The following KCNN2 variants were observed in gnomAD, a reference collection of about 807,000 sequenced individuals.
KCNN2 encodes the protein potassium calcium-activated channel subfamily N member 2, also known as small conductance calcium-activated potassium channel protein 2.
In KCNN2, 24 loss-of-function variants were observed where a neutral mutation model predicts 55.5. That is an observed-to-expected ratio of 0.43 (90% confidence interval 0.31 to 0.61). The LOEUF is 0.61. Ranked by LOEUF, KCNN2 falls within the 20% of genes least tolerant of loss-of-function variation. The pLI is 0.08. For synonymous variants in KCNN2, 431 were observed against 336.1 expected, an observed-to-expected ratio of 1.28 and a Z score of -3.09; for missense variants, 754 against 853.6, an observed-to-expected ratio of 0.88 and a Z score of 1.45.
At chr5:114,061,100 A>G (rs1750318926) in intron 1 of KCNN2, among the ~76,000 whole-genome samples, 1 of 152,240 alleles carries the variant, frequency 6.6e-6, no homozygotes, top group Admixed American at 6.5e-5. Context: ...TATTCATTCA[A>G]CATTCCATAA....
At chr5:114,267,689 A>G (rs1438450505) in intron 2 of KCNN2, among the ~76,000 whole-genome samples, 1 of 152,184 alleles carries the variant, frequency 6.6e-6, no homozygotes, top group South Asian at 2.1e-4. Context: ...AATAAAAAGT[A>G]TTTTATTTTC....
chr5:114,317,433 C>T (rs1756522778), intron 2 of KCNN2, among the ~76,000 whole-genome samples: 1 of 152,170 alleles, frequency 6.6e-6, no homozygotes, highest in Non-Finnish European at 1.5e-5. Context: ...TCTGAAATCG[C>T]TCATGCCAAT....
At chr5:114,213,083 A>G (rs1753922140) in intron 1 of KCNN2, among the ~76,000 whole-genome samples, 1 of 151,996 alleles carries the variant, frequency 6.6e-6, no homozygotes, top group South Asian at 2.1e-4. Context: ...CACGAAACCA[A>G]TGGAAAATTG....
chr5:114,255,767 A>G lies in KCNN2; in HGVS notation c.-185+34202A>G, dbSNP rs528149511. Among the ~76,000 whole-genome samples the G allele has an allele frequency of 7.9e-5, 12 of 152,304 alleles. No homozygotes were observed. In the East Asian group the frequency reaches 2.1e-3, roughly 27 times the overall value. ...GCATAAACTGGAGGATTTGTAGGGC[A>G]TGGGAATACATAGAATTTAGGAGGT... On this transcript the variant is annotated intron_variant, in intron 2 of 10. Coordinates refer to the KCNN2 transcript ENST00000512097.
At chr5:114,383,390 G>T (rs1016886862) in intron 2 of KCNN2, among the ~76,000 whole-genome samples, 5 of 151,906 alleles carry the variant, frequency 3.3e-5, no homozygotes, top group Admixed American at 2.6e-4. Context: ...GATTGCCTGG[G>T]TGTGAATATG....
intron 1 of KCNN2, among the ~76,000 whole-genome samples, chr5:114,160,834 T>G (rs1752759024): frequency 6.6e-6 from 1 of 152,132 alleles, no homozygotes; most frequent in African/African-American, 2.4e-5. Flanking sequence ...AACCCCTGCC[T>G]TTTTTTGTTT....
At chr5:114,239,003 T>C (rs1258781284) in intron 2 of KCNN2, among the ~76,000 whole-genome samples, 1 of 152,216 alleles carries the variant, frequency 6.6e-6, no homozygotes, top group Non-Finnish European at 1.5e-5. Context: ...TGTGGTTTAC[T>C]TTCTGAAACA....
intron 1 of KCNN2, among the ~76,000 whole-genome samples, chr5:114,178,833 G>A (rs1753185034): frequency 6.6e-6 from 1 of 152,224 alleles, no homozygotes; most frequent in Admixed American, 6.5e-5. Context: ...ATTGCACTTT[G>A]ATGTCTGGGT....
At chr5:114,427,824 A>T (rs1458512375) in intron 3 of KCNN2, among the ~76,000 whole-genome samples, 1 of 152,238 alleles carries the variant, frequency 6.6e-6, no homozygotes, top group African/African-American at 2.4e-5. Context: ...TAATATTTTA[A>T]TGATGGCTTT....
At chr5:114,299,936 TA>T (rs781410561) in intron 2 of KCNN2, among the ~76,000 whole-genome samples, 2 of 152,132 alleles carry the variant, frequency 1.3e-5, no homozygotes, top group Non-Finnish European at 2.9e-5. Context: ...AGATGCTGGT[TA>T]CCTGTTTATT....
At chr5:114,134,474 TA>T (rs1752131726) in intron 1 of KCNN2, among the ~76,000 whole-genome samples, 1 of 142,718 alleles carries the variant, frequency 7.0e-6, no homozygotes, top group African/African-American at 2.6e-5. Context: ...TTTATTTATT[TA>T]TTTATTTATT....
intron 3 of KCNN2, among the ~76,000 whole-genome samples, chr5:114,450,639 C>T (rs1217750410): frequency 6.6e-6 from 1 of 152,172 alleles, no homozygotes; most frequent in Non-Finnish European, 1.5e-5. Context: ...TGATATGAAG[C>T]CAGCTCCAGA....
chr5:114,317,738 A>G (rs537641677), intron 2 of KCNN2, among the ~76,000 whole-genome samples: 1 of 152,340 alleles, frequency 6.6e-6, no homozygotes, highest in East Asian at 1.9e-4. Context: ...TCAGGTGACA[A>G]TTCAGAGCAA....
intron 2 of KCNN2, among the ~76,000 whole-genome samples, chr5:114,266,793 A>C (rs1181916550): frequency 6.6e-6 from 1 of 152,198 alleles, no homozygotes; most frequent in Non-Finnish European, 1.5e-5. Flanking sequence ...TGTCCCCATC[A>C]AAAGTACATA....
chr5:114,371,485 A>G (rs1167646007), intron 2 of KCNN2, among the ~76,000 whole-genome samples: 1 of 152,168 alleles, frequency 6.6e-6, no homozygotes, highest in African/African-American at 2.4e-5. Flanking sequence ...TAAGGAGGGC[A>G]TAGCACTCTA....
intron 1 of KCNN2, among the ~76,000 whole-genome samples, chr5:114,155,997 C>T (rs942838748): frequency 3.3e-5 from 5 of 151,968 alleles, no homozygotes; most frequent in Non-Finnish European, 7.4e-5. Flanking sequence ...TGTCTTCCAG[C>T]ATTTTTATAG....
At chr5:114,292,506 A>G (rs1158024052) in intron 2 of KCNN2, among the ~76,000 whole-genome samples, 2 of 152,132 alleles carry the variant, frequency 1.3e-5, no homozygotes, top group East Asian at 3.9e-4. Context: ...AGTTGTAGAT[A>G]TGTGGCATTA....
At chr5:114,390,571 G>A (rs943991050) in intron 2 of KCNN2, among the ~76,000 whole-genome samples, 62 of 152,030 alleles carry the variant, frequency 4.1e-4, no homozygotes, top group African/African-American at 1.4e-3. Flanking sequence ...CCTATGACCA[G>A]GCATCCTTAA....
intron 1 of KCNN2, among the ~76,000 whole-genome samples, chr5:114,141,786 G>C (rs901854611): frequency 1.3e-5 from 2 of 152,116 alleles, no homozygotes; most frequent in African/African-American, 2.4e-5. Context: ...ATCCTCTCCA[G>C]CACCTGTAGT....
Sources: gnomAD v4.1 joint callset for allele counts (sites outside exome capture counted in the v4.1 genomes callset) on GRCh38, gnomAD v4.1.1 for gene constraint, MANE v1.5 for transcripts, NCBI Gene and HGNC (gene_info 2026-07-23, HGNC 2026-07-21) for gene names.